Variants in ACTR3B observed in about 807,000 individuals in gnomAD.
ACTR3B encodes the protein actin-related protein 3B.
ACTR3B carries 8 observed loss-of-function variants against 59.0 expected under a neutral mutation model. That is an observed-to-expected ratio of 0.14 (90% CI 0.08 to 0.24). ACTR3B has a LOEUF of 0.24. ACTR3B is among the 10% of genes least tolerant of loss of function. The pLI is 1.00. For missense variants in ACTR3B, 245 were observed against 552.3 expected (o/e 0.44, Z 5.58); for synonymous variants, 148 against 197.9 (o/e 0.75, Z 2.12).
At chr7:152,778,962 A>AAAAAAAT (rs2098143195) in intron 1 of ACTR3B, among the ~76,000 whole-genome samples, 1 of 115,020 alleles carries the variant, frequency 8.7e-6, no homozygotes, top group African/African-American at 3.9e-5. Flanking sequence ...AAAAAAAAAA[A>AAAAAAAT]AAAAAAAAAA....
intron 9 of ACTR3B, among the ~76,000 whole-genome samples, chr7:152,829,238 C>T (rs1283840770): frequency 6.6e-6 from 1 of 152,100 alleles, no homozygotes; most frequent in Admixed American, 6.5e-5. Context: ...AGATTCCTCT[C>T]AGCAGATTTC....
intron 2 of ACTR3B, among the ~76,000 whole-genome samples, chr7:152,798,151 C>A (rs532889558): frequency 2.4e-4 from 36 of 152,218 alleles, no homozygotes; most frequent in Non-Finnish European, 3.8e-4. Flanking sequence ...GCATTCCCAC[C>A]TATAGTGTAT....
At chr7:152,774,308 G>A (rs1447978020) in intron 1 of ACTR3B, among the ~76,000 whole-genome samples, 1 of 152,106 alleles carries the variant, frequency 6.6e-6, no homozygotes, top group East Asian at 1.9e-4. Flanking sequence ...GACTAGTTTT[G>A]TATTTTTAGT....
At chr7:152,766,688 C>T (rs1436250416) in intron 1 of ACTR3B, among the ~76,000 whole-genome samples, 16 of 152,204 alleles carry the variant, frequency 1.1e-4, no homozygotes, top group Admixed American at 1.0e-3. Flanking sequence ...TTTAGGCAAT[C>T]GGATTTATTC....
chr7:152,832,054 G>A (rs1312926219), intron 9 of ACTR3B, among the ~76,000 whole-genome samples: 3 of 152,204 alleles, frequency 2.0e-5, no homozygotes, highest in Non-Finnish European at 4.4e-5. Context: ...GAAGGCCATT[G>A]TAGAACCACG....
chr7:152,834,147 C>G (rs1373517540), intron 9 of ACTR3B, among the ~76,000 whole-genome samples: 1 of 150,618 alleles, frequency 6.6e-6, no homozygotes, highest in Non-Finnish European at 1.5e-5. Context: ...TTTGTAGTCG[C>G]TGTTTTTGTT....
intron 1 of ACTR3B, among the ~76,000 whole-genome samples, chr7:152,780,068 T>C (rs1366212651): frequency 6.6e-6 from 1 of 152,088 alleles, no homozygotes; most frequent in African/African-American, 2.4e-5. Context: ...CATAAGAATA[T>C]TAGGGCCAGG....
At chr7:152,834,187 C>A (rs1458944089) in intron 9 of ACTR3B, among the ~76,000 whole-genome samples, 3 of 149,134 alleles carry the variant, frequency 2.0e-5, no homozygotes, top group Non-Finnish European at 4.4e-5. Flanking sequence ...AGTTTTCGCT[C>A]TTGTCGCCCA....
intron 5 of ACTR3B, 128 bp downstream of exon 5, chr7:152,814,773 G>A (rs1396075690): frequency 2.2e-5 from 17 of 790,010 alleles, no homozygotes; most frequent in East Asian, 1.1e-4. Flanking sequence ...TCCCTCCCCC[G>A]TCCCCATGCC....
chr7:152,767,119 A>T (rs1041266831), intron 1 of ACTR3B, among the ~76,000 whole-genome samples: 7 of 139,514 alleles, frequency 5.0e-5, no homozygotes, highest in South Asian at 2.3e-4. Context: ...TAATGGTTTC[A>T]TTTTTTTCAT....
At chr7:152,817,590 G>T (rs1342014232) in intron 6 of ACTR3B, among the ~76,000 whole-genome samples, 1 of 151,992 alleles carries the variant, frequency 6.6e-6, no homozygotes, top group African/African-American at 2.4e-5. Flanking sequence ...TGTCTGAAGA[G>T]GGTATTCAGA....
chr7:152,826,564 A>G (rs1796590303), intron 9 of ACTR3B, among the ~76,000 whole-genome samples: 2 of 152,254 alleles, frequency 1.3e-5, no homozygotes, highest in South Asian at 2.1e-4. Context: ...ATGCAAATGA[A>G]GAAAGCTAGC....
chr7:152,767,733 T>C lies in ACTR3B; in HGVS notation c.44+7807T>C, dbSNP rs183528023. 4.3e-4 allele frequency among the ~76,000 whole-genome samples: 66 copies of C among 152,338 alleles called. 1 individual carries two copies. Among genetic ancestry groups the C allele is most frequent in the African/African-American group, 1.5e-3 (62 of 41,572 alleles). On this transcript the variant is annotated intron_variant, in intron 1 of 11. Transcript: ENST00000256001. ...CTTTATGTATTTGATTTTTTTTTGC[T>C]ATCATAAATGGTGCCTTCTCTTCCA...
At chr7:152,765,108 C>A (rs1236972736) in intron 1 of ACTR3B, among the ~76,000 whole-genome samples, 1 of 99,006 alleles carries the variant, frequency 1.0e-5, no homozygotes, top group Non-Finnish European at 2.0e-5. Context: ...TTACCCTGGC[C>A]CTTTTTTTTT....
intron 1 of ACTR3B, among the ~76,000 whole-genome samples, chr7:152,763,214 G>A (rs1346655398): frequency 6.7e-6 from 1 of 150,092 alleles, no homozygotes; most frequent in East Asian, 2.0e-4. Flanking sequence ...TGCTTTGGAG[G>A]CTGCTCAGGA....
intron 9 of ACTR3B, among the ~76,000 whole-genome samples, chr7:152,830,530 A>C (rs1354448789): frequency 6.6e-6 from 1 of 152,222 alleles, no homozygotes; most frequent in Non-Finnish European, 1.5e-5. Flanking sequence ...AGGGTAAATG[A>C]GTTATAGATA....
At chr7:152,848,931 G>A (rs1435796805) in intron 9 of ACTR3B, among the ~76,000 whole-genome samples, 1 of 152,164 alleles carries the variant, frequency 6.6e-6, no homozygotes, top group African/African-American at 2.4e-5. Context: ...GGGTCACAGA[G>A]GACAACAGTG....
intron 2 of ACTR3B, among the ~76,000 whole-genome samples, chr7:152,791,903 T>A (rs1370457752): frequency 6.6e-6 from 1 of 152,138 alleles, no homozygotes; most frequent in Non-Finnish European, 1.5e-5. Flanking sequence ...AGTGTGTGCC[T>A]TTTTTTGGGA....
chr7:152,760,448 A>G (rs1211799074), intron 1 of ACTR3B, among the ~76,000 whole-genome samples: 1 of 151,902 alleles, frequency 6.6e-6, no homozygotes. Context: ...CTGGCTGAGG[A>G]TTCTTTACCA....
Sources: gnomAD v4.1 joint callset for allele counts (sites outside exome capture counted in the v4.1 genomes callset) on GRCh38, gnomAD v4.1.1 for gene constraint, MANE v1.5 for transcripts, NCBI Gene and HGNC (gene_info 2026-07-23, HGNC 2026-07-21) for gene names.